SGCD: variants seen among roughly 807,000 people sequenced by gnomAD.
SGCD encodes sarcoglycan delta, also known as delta-sarcoglycan.
Under a neutral mutation model 36.6 loss-of-function variants are expected in SGCD, and 18 were observed. The ratio of observed to expected loss-of-function variants is 0.49; its 90% confidence interval spans 0.34 to 0.73. The LOEUF is 0.73. Ranked by LOEUF, SGCD falls within the 30% of genes least tolerant of loss-of-function variation. SGCD has a pLI of 0.01. For synonymous variants in SGCD, 133 were observed against 130.6 expected (o/e 1.02, Z -0.12); for missense variants, 387 against 346.7 (o/e 1.12, Z -0.92).
chr5:156,234,077 T>C (rs181212867), intron 3 of SGCD, among the ~76,000 whole-genome samples: 8 of 152,338 alleles, frequency 5.3e-5, no homozygotes, highest in Admixed American at 1.3e-4. Flanking sequence ...GTTATGGACT[T>C]TAGCTATTCT....
At chr5:156,297,794 ATAAATAAAT>A (rs1445399671) in intron 3 of SGCD, among the ~76,000 whole-genome samples, 65 of 83,226 alleles carry the variant, frequency 7.8e-4, no homozygotes, top group African/African-American at 3.7e-3. Context: ...TAATAAAAAA[ATAAATAAAT>A]AAATAAATAA....
At chr5:156,743,294 T>G (rs1026991244) in intron 7 of SGCD, among the ~76,000 whole-genome samples, 5 of 152,110 alleles carry the variant, frequency 3.3e-5, no homozygotes, top group African/African-American at 1.2e-4. Flanking sequence ...GCATTTTTAG[T>G]AGAGACAGGG....
intron 3 of SGCD, among the ~76,000 whole-genome samples, chr5:156,460,778 G>T (rs1754451056): frequency 6.6e-6 from 1 of 152,074 alleles, no homozygotes; most frequent in African/African-American, 2.4e-5. Flanking sequence ...TTAAAAGATG[G>T]TTCACAAAAA....
chr5:156,168,601 A>G (rs2127621107), intron 3 of SGCD, among the ~76,000 whole-genome samples: 1 of 152,304 alleles, frequency 6.6e-6, no homozygotes, highest in South Asian at 2.1e-4. Context: ...TTTATGTTTT[A>G]ATATTAAATA....
At chr5:156,520,545 T>C (rs898487652) in intron 4 of SGCD, among the ~76,000 whole-genome samples, 2 of 152,142 alleles carry the variant, frequency 1.3e-5, no homozygotes, top group Non-Finnish European at 2.9e-5. Context: ...ATTTTAAAAT[T>C]CATATGGAAC....
At chr5:155,747,386 T>C in the SGCD span, among the ~76,000 whole-genome samples, 1 of 152,138 alleles carries the variant, frequency 6.6e-6, no homozygotes, top group Non-Finnish European at 1.5e-5. Context: ...TCAGAAGGAG[T>C]GTCACCGATT....
intron 4 of SGCD, among the ~76,000 whole-genome samples, chr5:156,531,283 C>T (rs1314273871): frequency 6.6e-6 from 1 of 152,192 alleles, no homozygotes; most frequent in African/African-American, 2.4e-5. Context: ...TGATCTTAGA[C>T]TTTGTAGCCT....
At chr5:155,784,421 C>G in the SGCD span, among the ~76,000 whole-genome samples, 2 of 152,258 alleles carry the variant, frequency 1.3e-5, no homozygotes, top group African/African-American at 4.8e-5. Context: ...CCGAAGGTGT[C>G]AGTAGTGCCA....
chr5:155,964,235 G>T (rs193195856), intron 1 of SGCD, among the ~76,000 whole-genome samples: 1 of 152,238 alleles, frequency 6.6e-6, no homozygotes, highest in Admixed American at 6.5e-5. Context: ...TTAGATATCT[G>T]TGTTGGGCTA....
chr5:156,366,974 C>A (rs1019163851), intron 3 of SGCD, among the ~76,000 whole-genome samples: 1 of 152,176 alleles, frequency 6.6e-6, no homozygotes, highest in African/African-American at 2.4e-5. Flanking sequence ...GATGCTTTCT[C>A]ATGTATTTTA....
At chr5:156,046,967 A>T (rs1326185168) in intron 1 of SGCD, among the ~76,000 whole-genome samples, 2 of 152,196 alleles carry the variant, frequency 1.3e-5, no homozygotes, top group African/African-American at 4.8e-5. Context: ...GTGCTATTCC[A>T]GTGATTACAT....
At chr5:156,627,067 T>C (rs1048762875) in intron 6 of SGCD, among the ~76,000 whole-genome samples, 1 of 152,204 alleles carries the variant, frequency 6.6e-6, no homozygotes, top group Admixed American at 6.5e-5. Flanking sequence ...AATCCTGAAA[T>C]GATTTTTCAA....
intron 7 of SGCD, among the ~76,000 whole-genome samples, chr5:156,721,161 T>C (rs911338340): frequency 6.6e-6 from 1 of 152,038 alleles, no homozygotes; most frequent in African/African-American, 2.4e-5. Flanking sequence ...ATCAGAAGTT[T>C]AGTGTACATG....
At chr5:156,598,532 A>T (rs1761031682) in intron 6 of SGCD, among the ~76,000 whole-genome samples, 1 of 151,972 alleles carries the variant, frequency 6.6e-6, no homozygotes, top group Admixed American at 6.6e-5. Flanking sequence ...ATATAGTGAG[A>T]CTCTGTCTCA....
intron 1 of SGCD, among the ~76,000 whole-genome samples, chr5:155,914,272 A>G (rs1347070030): frequency 6.6e-6 from 1 of 152,192 alleles, no homozygotes; most frequent in Non-Finnish European, 1.5e-5. Flanking sequence ...ACCATATACT[A>G]TCATTACAAC....
chr5:156,762,844 GGAT>G lies in SGCD; in HGVS notation c.*3455_*3457del, dbSNP rs755239794. The stretch of plus-strand genomic sequence containing the variant: ...CCTAGAGGTTTTTGTGGTATGCATT[GGAT>G]ATAGCAGGAAAGAAAGCACATTTCC... On this transcript the variant is annotated 3_prime_UTR_variant, in exon 9 of 9. Coordinates refer to ENST00000337851, the MANE Select transcript of SGCD (RefSeq NM_000337.6). 2.6e-5 allele frequency: 4 copies of G among 152,224 alleles called. No individual in the cohort carries two copies. The highest frequency in any genetic ancestry group is 6.5e-5 in the Admixed American group (1 of 15,284). 9.4% of individuals were successfully genotyped at this position (152,224 alleles called of 1,614,324 possible).
chr5:156,357,221 C>G (rs1769538217), intron 3 of SGCD, among the ~76,000 whole-genome samples: 1 of 152,150 alleles, frequency 6.6e-6, no homozygotes, highest in Non-Finnish European at 1.5e-5. Context: ...TTCTCTTACT[C>G]CTCACAATGA....
intron 3 of SGCD, among the ~76,000 whole-genome samples, chr5:156,128,197 C>T (rs371541167): frequency 5.9e-5 from 9 of 152,210 alleles, no homozygotes; most frequent in South Asian, 2.1e-4. Flanking sequence ...TACTTCTACA[C>T]GCTTATCAGA....
intron 1 of SGCD, among the ~76,000 whole-genome samples, chr5:155,877,381 A>C (rs924725853): frequency 3.9e-5 from 6 of 152,140 alleles, no homozygotes; most frequent in African/African-American, 1.4e-4. Context: ...TGTTAGTTTG[A>C]AGTTTAAGAT....
Sources: allele counts gnomAD v4.1 joint callset (sites outside exome capture counted in the v4.1 genomes callset), GRCh38; gene constraint gnomAD v4.1.1; transcripts MANE v1.5; gene names NCBI Gene and HGNC (gene_info 2026-07-23, HGNC 2026-07-21).